CLDN2: variants seen among roughly 807,000 people sequenced by gnomAD.
CLDN2 encodes the protein claudin 2.
CLDN2 carries 1 observed loss-of-function variant against 8.2 expected under a neutral mutation model. The ratio of observed to expected loss-of-function variants is 0.12; its 90% CI spans 0.04 to 0.58. CLDN2 has a LOEUF of 0.58. Ranked by LOEUF, CLDN2 falls within the 20% of genes least tolerant of loss-of-function variation. The pLI, the probability that CLDN2 is intolerant of heterozygous loss-of-function variation, is 0.90. For missense variants in CLDN2, 108 were observed against 172.9 expected, an observed-to-expected ratio of 0.62 and a Z score of 2.11; for synonymous variants, 70 against 70.2, an observed-to-expected ratio of 1.00 and a Z score of 0.01.
chrX:106,923,489 G>A (rs192834152), intron 1 of CLDN2, among the ~76,000 whole-genome samples: 2 of 111,951 alleles, frequency 1.8e-5, no homozygotes, highest in East Asian at 5.6e-4. Flanking sequence ...GGGCAGTGGC[G>A]ACAGAAAGAA....
chrX:106,925,573 C>A (rs57702793), intron 1 of CLDN2, among the ~76,000 whole-genome samples: 1,889 of 112,275 alleles, frequency 0.017, 45 homozygotes, highest in African/African-American at 0.058. Context: ...TACTTTTTAG[C>A]AAATGGGGAG....
chrX:106,913,033 T>G (rs988420422), intron 1 of CLDN2, among the ~76,000 whole-genome samples: 1 of 111,387 alleles, frequency 9.0e-6, no homozygotes, highest in African/African-American at 3.3e-5. Flanking sequence ...ACCGATATTT[T>G]CCAGATGACT....
At chrX:106,902,228 G>A in intron 1 of CLDN2, 3 of 1,154,290 alleles carry the variant, frequency 2.6e-6, no homozygotes, top group East Asian at 3.2e-5. Flanking sequence ...GGGACAAAGA[G>A]GAGAGATCAA....
intron 1 of CLDN2, among the ~76,000 whole-genome samples, chrX:106,921,336 T>C (rs1933389652): frequency 8.9e-6 from 1 of 112,473 alleles, no homozygotes; most frequent in Non-Finnish European, 1.9e-5. Context: ...GATGAACTGC[T>C]CTAAGGACAA....
At chrX:106,902,630 C>A in intron 1 of CLDN2, among the ~76,000 whole-genome samples, 1 of 112,069 alleles carries the variant, frequency 8.9e-6, no homozygotes, top group Non-Finnish European at 1.9e-5. Flanking sequence ...CAGAGCTCTA[C>A]CATCTTCCTG....
intron 1 of CLDN2, chrX:106,900,535 A>C: frequency 1.7e-6 from 1 of 580,941 alleles, no homozygotes; most frequent in Non-Finnish European, 2.5e-6. Context: ...CAGCTAGATG[A>C]CCCAATTTTC....
upstream of CLDN2, among the ~76,000 whole-genome samples, chrX:106,916,190 GAGGAATATCCA>G (rs1933308319): frequency 1.8e-5 from 2 of 111,069 alleles, no homozygotes; most frequent in African/African-American, 6.6e-5. Context: ...GAGCATAGAG[GAGGAATATCCA>G]ACCAAGAGAC....
At chrX:106,918,155 T>C (rs939373627), upstream of CLDN2, among the ~76,000 whole-genome samples, 7 of 112,562 alleles carry the variant, frequency 6.2e-5, no homozygotes, top group Non-Finnish European at 9.4e-5. Flanking sequence ...TACTACATTC[T>C]GCATTCAATC....
intron 1 of CLDN2, chrX:106,901,505 T>C (rs769049678): frequency 1.2e-5 from 15 of 1,209,927 alleles, no homozygotes; most frequent in Non-Finnish European, 1.7e-5. Flanking sequence ...GATTCAGCCT[T>C]GGTGACCTCA....
Position 106,928,737 on chromosome X carries a change from C to T in CLDN2, c.509C>T (p.Ser170Phe). The T allele has an allele frequency of 8.3e-7, 1 of 1,211,343 alleles. No individual in the cohort carries two copies. Among genetic ancestry groups the T allele is most frequent in the Non-Finnish European group, 1.1e-6 (1 of 895,408 alleles). Residue 170 changes from serine (S) to phenylalanine (F), a missense_variant, in exon 2 of 2, where the codon TCT (serine) becomes TTT (phenylalanine). Transcript: ENST00000336803. Reference sequence around the variant, plus strand: ...GAGGCTCTTTACTTGGGCATTATTTCTTCCCTGTTCTCCCTGATAGCTGGA... The same window carrying T: ...GAGGCTCTTTACTTGGGCATTATTTTTTCCCTGTTCTCCCTGATAGCTGGA... ...IGEALYLGIISSLFSLIAGII... is the reference protein window; with the variant it reads ...IGEALYLGIIFSLFSLIAGII...
At chrX:106,923,233 A>C (rs920111875) in intron 1 of CLDN2, among the ~76,000 whole-genome samples, 7 of 112,434 alleles carry the variant, frequency 6.2e-5, no homozygotes, top group Admixed American at 5.6e-4. Flanking sequence ...TCGGCCTCCC[A>C]AAGTGCTGGG....
upstream of CLDN2, among the ~76,000 whole-genome samples, chrX:106,918,623 G>A (rs1036983276): frequency 8.9e-6 from 1 of 112,168 alleles, no homozygotes; most frequent in Non-Finnish European, 1.9e-5. Flanking sequence ...GGCCAGGTTT[G>A]GTACCCAGGC....
At chrX:106,905,481 T>G (rs1235888772) in intron 1 of CLDN2, among the ~76,000 whole-genome samples, 1 of 110,168 alleles carries the variant, frequency 9.1e-6, no homozygotes, top group Non-Finnish European at 1.9e-5. Context: ...TCTCTGAGAG[T>G]TCTTGCTAAA....
rs1361984240 is a variant in CLDN2 at position 106,928,946 on chromosome X, G to A, written c.*25G>A. 4 of 1,173,276 alleles carry A rather than the reference G, an allele frequency of 3.4e-6. No individual in the cohort carries two copies. The highest frequency in any genetic ancestry group is 2.3e-6 in the Non-Finnish European group (2 of 865,169). ...AAGAACCAGGGGCCAGAGCTGGGGG[G>A]TGGCTGGGTCTGTGAAAAACAGTGG... is the stretch of plus-strand genomic sequence containing the variant. On this transcript the variant is annotated 3_prime_UTR_variant, in exon 2 of 2. Transcript: ENST00000336803.
chrX:106,902,071 G>A, intron 1 of CLDN2: 1 of 929,187 alleles, frequency 1.1e-6, no homozygotes, highest in East Asian at 3.4e-5. Flanking sequence ...GGGCTCTCTG[G>A]GAAGTGACCT....
At chrX:106,908,563 TTTTC>T (rs1331166243) in intron 1 of CLDN2, among the ~76,000 whole-genome samples, 48 of 104,622 alleles carry the variant, frequency 4.6e-4, no homozygotes, top group African/African-American at 1.1e-3. Flanking sequence ...CTTTCTTTTC[TTTTC>T]TTTTTTTTTT....
upstream of CLDN2, among the ~76,000 whole-genome samples, chrX:106,919,817 G>T (rs1334947325): frequency 8.9e-6 from 1 of 112,675 alleles, no homozygotes; most frequent in African/African-American, 3.2e-5. Context: ...AAATGACATA[G>T]TGCATGGCAC....
At chrX:106,903,532 A>C (rs760538170) in intron 1 of CLDN2, among the ~76,000 whole-genome samples, 2 of 111,640 alleles carry the variant, frequency 1.8e-5, no homozygotes, top group Admixed American at 1.9e-4. Context: ...GAGGTGAGGG[A>C]TTTGCTTTGC....
At chrX:106,917,617 T>A (rs1933329008), upstream of CLDN2, among the ~76,000 whole-genome samples, 1 of 110,978 alleles carries the variant, frequency 9.0e-6, no homozygotes, top group Non-Finnish European at 1.9e-5. Context: ...AGACTCCTCT[T>A]TTCATAGCAT....
Sources: gnomAD v4.1 joint callset for allele counts (sites outside exome capture counted in the v4.1 genomes callset) on GRCh38, gnomAD v4.1.1 for gene constraint, MANE v1.5 for transcripts, NCBI Gene and HGNC (gene_info 2026-07-23, HGNC 2026-07-21) for gene names.